The following KPNA1 variants were observed in gnomAD, a reference collection of about 807,000 sequenced individuals.
The protein encoded by KPNA1 is importin subunit alpha-5.
Under a neutral mutation model 70.5 loss-of-function variants are expected in KPNA1, and 10 were observed. That is an observed-to-expected ratio of 0.14 (90% CI 0.09 to 0.24). The LOEUF is 0.24. KPNA1 is among the 10% of genes least tolerant of loss of function. The probability of loss-of-function intolerance (pLI) is 1.00; values close to 1 mark genes in which losing one functional copy is unlikely to be tolerated. For missense variants in KPNA1, 397 were observed against 637.9 expected (o/e 0.62, Z 4.07); for synonymous variants, 192 against 221.9 (o/e 0.87, Z 1.20).
At chr3:122,490,127 T>C (rs1017727794) in intron 2 of KPNA1, among the ~76,000 whole-genome samples, 6 of 152,252 alleles carry the variant, frequency 3.9e-5, no homozygotes, top group Admixed American at 1.3e-4. Context: ...TAATCAGCAT[T>C]CTGCTGAATA....
At chr3:122,471,866 C>CT (rs1560040233) in intron 2 of KPNA1, among the ~76,000 whole-genome samples, 1 of 152,164 alleles carries the variant, frequency 6.6e-6, no homozygotes, top group African/African-American at 2.4e-5. Context: ...TCAAGGATAA[C>CT]TTTTATCAAG....
intron 12 of KPNA1, among the ~76,000 whole-genome samples, chr3:122,430,871 G>A (rs532084328): frequency 2.2e-4 from 34 of 152,228 alleles, no homozygotes; most frequent in Admixed American, 2.1e-3. Context: ...ACCCAAGACT[G>A]AGGCTTTCAT....
chr3:122,442,232 C>A, intron 9 of KPNA1, 116 bp from the exon 10 acceptor site: 1 of 731,436 alleles, frequency 1.4e-6, no homozygotes, highest in Admixed American at 2.3e-5. Flanking sequence ...CAGAAATGTA[C>A]CCATGGGGCT....
intron 2 of KPNA1, among the ~76,000 whole-genome samples, chr3:122,482,198 C>T (rs1190939106): frequency 6.6e-6 from 1 of 152,252 alleles, no homozygotes; most frequent in Non-Finnish European, 1.5e-5. Context: ...AGGCTACAAA[C>T]TTGTACAGCA....
intron 2 of KPNA1, among the ~76,000 whole-genome samples, chr3:122,484,356 T>G (rs1055214173): frequency 6.6e-6 from 1 of 152,000 alleles, no homozygotes; most frequent in African/African-American, 2.4e-5. Context: ...ACCAATAAAA[T>G]CTCAATTATA....
At chr3:122,451,434 A>T in intron 8 of KPNA1, 100 bp downstream of exon 8, 1 of 656,200 alleles carries the variant, frequency 1.5e-6, no homozygotes, top group Non-Finnish European at 2.6e-6. Context: ...CTAACATTTT[A>T]AATTTTAACA....
intron 2 of KPNA1, among the ~76,000 whole-genome samples, chr3:122,468,305 A>C (rs2076404078): frequency 6.6e-6 from 1 of 152,208 alleles, no homozygotes. Context: ...AGAGCTGAGA[A>C]GGCCAAGAGA....
At position 122,489,272 on chromosome 3, in the gene KPNA1, TTTTAC is replaced by T. The variant is rs2076668489; in HGVS notation, c.129+7160_129+7164del. Among the ~76,000 whole-genome samples, 4 of 144,674 alleles carry T rather than the reference TTTTAC, an allele frequency of 2.8e-5. No homozygotes were observed. The South Asian group carries it at 6.8e-4, about 24-fold the overall frequency. The allele number at this position is 144,674 out of a possible 152,430, so 94.9% of individuals were successfully genotyped here. Reference sequence around the variant, plus strand: ...GTTCAAATTGAGTCTTTTTATACCTTTTTACTTTGTTTGTTTTTTTTTGTTTGTTT... The same window carrying T: ...GTTCAAATTGAGTCTTTTTATACCTTTTTGTTTGTTTTTTTTTGTTTGTTT... On this transcript the variant is annotated intron_variant, in intron 2 of 13. Coordinates refer to ENST00000344337, the MANE Select transcript of KPNA1 (RefSeq NM_002264.4).
chr3:122,427,464 T>C, intron 13 of KPNA1, 74 bp downstream of exon 13: 7 of 1,393,114 alleles, frequency 5.0e-6, no homozygotes, highest in Non-Finnish European at 6.9e-6. Context: ...GCAGTAGTAG[T>C]ATTGTTTTTA....
At chr3:122,432,193 A>G (rs1290526267) in intron 12 of KPNA1, among the ~76,000 whole-genome samples, 1 of 152,256 alleles carries the variant, frequency 6.6e-6, no homozygotes, top group East Asian at 1.9e-4. Flanking sequence ...GCTTATTCAA[A>G]TAACTATAGT....
chr3:122,512,586 TG>T (rs1366488486), intron 1 of KPNA1, among the ~76,000 whole-genome samples: 2 of 152,174 alleles, frequency 1.3e-5, no homozygotes, highest in African/African-American at 2.4e-5. Flanking sequence ...TAGCCGAGTG[TG>T]GCCTCATGCC....
At chr3:122,505,838 T>C (rs371458380) in intron 1 of KPNA1, among the ~76,000 whole-genome samples, 1 of 152,334 alleles carries the variant, frequency 6.6e-6, no homozygotes, top group East Asian at 1.9e-4. Flanking sequence ...CTCAAGTCTG[T>C]GTCAACTGAC....
intron 12 of KPNA1, among the ~76,000 whole-genome samples, chr3:122,428,022 G>T (rs1026744013): frequency 6.6e-6 from 1 of 152,110 alleles, no homozygotes; most frequent in Non-Finnish European, 1.5e-5. Context: ...AAATAGTATA[G>T]GTTTGAGTAA....
chr3:122,467,251 T>C, intron 3 of KPNA1, 71 bp downstream of exon 3: 1 of 810,512 alleles, frequency 1.2e-6, no homozygotes, highest in South Asian at 1.8e-5. Context: ...CTAACCTTTT[T>C]TAAAACTCAA....
In KPNA1 at chr3:122,444,753, G is replaced by C. The variant is rs116609541; in HGVS notation, c.918-2637C>G. Among the ~76,000 whole-genome samples the C allele has an allele frequency of 6.7e-3, 1,015 of 152,302 alleles. 5 individuals are homozygous for C. Among genetic ancestry groups the C allele is most frequent in the African/African-American group, 0.023 (972 of 41,552 alleles). On this transcript the variant is annotated intron_variant, in intron 9 of 13. Coordinates refer to ENST00000344337, the MANE Select transcript of KPNA1 (RefSeq NM_002264.4). ...TCTGTGGCCTCTGCTGGTAATCCAG[G>C]AAAACAGGGTCTGGAGTGGACCTCC... is the stretch of plus-strand genomic sequence containing the variant.
chr3:122,457,273 T>C (rs1230372073), intron 5 of KPNA1, among the ~76,000 whole-genome samples: 1 of 152,022 alleles, frequency 6.6e-6, no homozygotes, highest in Admixed American at 6.6e-5. Flanking sequence ...TAACATGAAA[T>C]AGTTGTGAAA....
In KPNA1 at chr3:122,421,997, C is replaced by CT. The variant is rs1345437389; in HGVS notation, c.*4987_*4988insA. On this transcript the variant is annotated 3_prime_UTR_variant, in exon 14 of 14. Transcript: ENST00000344337. Reference sequence around the variant, plus strand: ...GAATGTCTACTATGTGCAAGGCACTCACCCATGGCCTGACAGACCACATTC... The same window carrying CT: ...GAATGTCTACTATGTGCAAGGCACTCTACCCATGGCCTGACAGACCACATTC... 1 of 152,230 alleles carries CT rather than the reference C, an allele frequency of 6.6e-6. No individual in the cohort carries two copies. The highest frequency in any genetic ancestry group is 1.5e-5 in the Non-Finnish European group (1 of 68,048). 9.4% of individuals were successfully genotyped at this position (152,230 alleles called of 1,614,324 possible). A position where few individuals can be genotyped will look rare whatever the true frequency, so the allele number is the denominator to read the frequency against.
At chr3:122,472,481 AAAAGAC>A (rs2076453109) in intron 2 of KPNA1, among the ~76,000 whole-genome samples, 1 of 151,960 alleles carries the variant, frequency 6.6e-6, no homozygotes, top group Admixed American at 6.6e-5. Context: ...CATTTACCAG[AAAAGAC>A]AAAAGATCTA....
intron 2 of KPNA1, among the ~76,000 whole-genome samples, chr3:122,488,729 G>A (rs1485091019): frequency 1.3e-5 from 2 of 152,124 alleles, no homozygotes; most frequent in Non-Finnish European, 2.9e-5. Context: ...TGTTTACAAC[G>A]AGAACTGTGA....
Sources: allele counts gnomAD v4.1 joint callset (sites outside exome capture counted in the v4.1 genomes callset), GRCh38; gene constraint gnomAD v4.1.1; transcripts MANE v1.5; gene names NCBI Gene and HGNC (gene_info 2026-07-23, HGNC 2026-07-21).